Variants in MYO5B observed in about 807,000 individuals in gnomAD.
MYO5B encodes myosin VB.
Under a neutral mutation model 229.3 loss-of-function variants are expected in MYO5B, and 143 were observed. That is an observed-to-expected ratio of 0.62 (90% CI 0.54 to 0.72). The LOEUF is 0.72. Ranked by LOEUF, MYO5B falls within the 30% of genes least tolerant of loss-of-function variation. The pLI, the probability that MYO5B is intolerant of heterozygous loss-of-function variation, is 0.00. For missense variants in MYO5B, 2,321 were observed against 2,331.0 expected (o/e 1.00, Z 0.09); for synonymous variants, 918 against 885.2 (o/e 1.04, Z -0.66).
At chr18:50,047,802 A>C (rs1167278885) in intron 2 of MYO5B, among the ~76,000 whole-genome samples, 2 of 152,082 alleles carry the variant, frequency 1.3e-5, no homozygotes, top group Non-Finnish European at 2.9e-5. Context: ...ACATGGATGA[A>C]GCTGGAAACC....
chr18:49,879,769 G>A (rs560591202), intron 23 of MYO5B, among the ~76,000 whole-genome samples: 15 of 152,284 alleles, frequency 9.9e-5, no homozygotes, highest in African/African-American at 3.4e-4. Flanking sequence ...CTCCACAGCC[G>A]AGTGGCACAT....
At chr18:49,834,709 G>A (rs911609832) in intron 39 of MYO5B, among the ~76,000 whole-genome samples, 2 of 152,068 alleles carry the variant, frequency 1.3e-5, no homozygotes, top group African/African-American at 4.8e-5. Flanking sequence ...CGCAATCTCG[G>A]CTCACTGCAA....
intron 1 of MYO5B, among the ~76,000 whole-genome samples, chr18:50,180,589 G>A (rs992055715): frequency 9.9e-5 from 15 of 152,116 alleles, no homozygotes; most frequent in African/African-American, 3.4e-4. Flanking sequence ...TAAATGTACA[G>A]TTCAGTGGCA....
intron 4 of MYO5B, among the ~76,000 whole-genome samples, chr18:50,031,817 C>G (rs1032928186): frequency 1.3e-5 from 2 of 152,184 alleles, no homozygotes. Context: ...CAGTGTTGCA[C>G]AGAACATTAG....
Position 50,159,522 on chromosome 18 carries a change from G to A in MYO5B, c.27+35245C>T, listed in dbSNP as rs561717505. ...ACCCACGGGAGAGCAGTCAACTAAA[G>A]CTCCCAGCTCCAGGTGCTCTGCAGC... On this transcript the variant is annotated intron_variant, in intron 1 of 39. Coordinates refer to ENST00000285039, the MANE Select transcript of MYO5B (RefSeq NM_001080467.3). Among the ~76,000 whole-genome samples, 3 of 152,210 alleles carry A rather than the reference G, an allele frequency of 2.0e-5. No homozygotes were observed. In the East Asian group the frequency reaches 5.8e-4, roughly 29 times the overall value.
chr18:49,989,555 C>T (rs1387084317), intron 7 of MYO5B, among the ~76,000 whole-genome samples: 1 of 151,978 alleles, frequency 6.6e-6, no homozygotes, highest in Non-Finnish European at 1.5e-5. Flanking sequence ...CACATATGTG[C>T]CTGAAGACTC....
intron 1 of MYO5B, among the ~76,000 whole-genome samples, chr18:50,112,082 A>G (rs1448633557): frequency 6.6e-6 from 1 of 152,242 alleles, no homozygotes; most frequent in Admixed American, 6.5e-5. Flanking sequence ...AAACAACCCA[A>G]GTGGGCAAAG....
intron 2 of MYO5B, 35 bp from the exon 3 acceptor site, chr18:50,040,349 G>C: frequency 3.1e-6 from 5 of 1,587,650 alleles, no homozygotes; most frequent in Middle Eastern, 1.7e-4. Flanking sequence ...CAAAAAGGTG[G>C]TTATGAAGCG....
intron 1 of MYO5B, among the ~76,000 whole-genome samples, chr18:50,122,685 G>A (rs1051605387): frequency 1.1e-5 from 1 of 95,030 alleles, no homozygotes; most frequent in African/African-American, 3.9e-5. Context: ...GAGAGAGAGA[G>A]ACTGACTGCA....
chr18:50,129,693 G>A (rs1265498984), intron 1 of MYO5B, among the ~76,000 whole-genome samples: 1 of 152,170 alleles, frequency 6.6e-6, no homozygotes, highest in African/African-American at 2.4e-5. Flanking sequence ...TCCCTAGGGA[G>A]TAGCAGAGCT....
intron 1 of MYO5B, among the ~76,000 whole-genome samples, chr18:50,112,595 A>G (rs1358640769): frequency 6.6e-6 from 1 of 152,160 alleles, no homozygotes; most frequent in African/African-American, 2.4e-5. Flanking sequence ...ATGCCCCACG[A>G]AAAACCTTTT....
At chr18:49,929,411 G>T in intron 17 of MYO5B, 101 bp downstream of exon 17, 1 of 902,858 alleles carries the variant, frequency 1.1e-6, no homozygotes, top group Non-Finnish European at 1.7e-6. Context: ...CGTTTTGAAG[G>T]ATCTGTTTCT....
chr18:50,031,902 T>C (rs1220431431), intron 4 of MYO5B, among the ~76,000 whole-genome samples: 1 of 152,194 alleles, frequency 6.6e-6, no homozygotes, highest in Non-Finnish European at 1.5e-5. Flanking sequence ...GATCCCTATC[T>C]TGGAAACTCA....
chr18:49,904,887 G>C lies in MYO5B; in HGVS notation c.2415-59C>G, dbSNP rs760375191. ...AGAGAGTATTGACCGCCCTGATGCAGAGAACCCTGAGACATCTGCAAATGC... is the reference window on the plus strand; with the variant it reads ...AGAGAGTATTGACCGCCCTGATGCACAGAACCCTGAGACATCTGCAAATGC... On this transcript the variant is annotated intron_variant, in intron 19 of 39. Transcript: ENST00000285039. 3.8e-6 allele frequency: 6 copies of C among 1,585,252 alleles called. No individual in the cohort carries two copies. The East Asian group carries it at 9.1e-5, about 24-fold the overall frequency.
rs576322320 is a variant in MYO5B at position 50,114,436 on chromosome 18, T to C, written c.28-59058A>G. 3.9e-5 allele frequency among the ~76,000 whole-genome samples: 6 copies of C among 152,286 alleles called. No homozygotes were observed. In the South Asian group the frequency reaches 1.2e-3, roughly 32 times the overall value. On this transcript the variant is annotated intron_variant, in intron 1 of 39. Transcript: ENST00000285039. ...CCTCCAAGCTAACCAAGGCTCCTCT[T>C]GGGAAAGGGTGCCCACACAATCCTC...
At chr18:49,939,996 C>A (rs1301321432) in intron 14 of MYO5B, among the ~76,000 whole-genome samples, 1 of 152,188 alleles carries the variant, frequency 6.6e-6, no homozygotes, top group Non-Finnish European at 1.5e-5. Flanking sequence ...ATAGCAGTGA[C>A]AGCTCATGCT....
At chr18:50,161,813 G>C (rs1038963179) in intron 1 of MYO5B, among the ~76,000 whole-genome samples, 10 of 152,224 alleles carry the variant, frequency 6.6e-5, no homozygotes, top group Non-Finnish European at 1.3e-4. Context: ...CTGCCCTGAA[G>C]CAAAGTCAGG....
intron 35 of MYO5B, 78 bp downstream of exon 35, chr18:49,841,287 C>CT (rs1423709681): frequency 1.5e-6 from 2 of 1,369,486 alleles, no homozygotes; most frequent in Admixed American, 1.7e-5. Flanking sequence ...CCACTGACCT[C>CT]TGAGGGTATA....
intron 1 of MYO5B, among the ~76,000 whole-genome samples, chr18:50,079,551 A>T (rs952212537): frequency 2.0e-5 from 3 of 152,208 alleles, no homozygotes; most frequent in Admixed American, 6.5e-5. Flanking sequence ...AAACCCTGGG[A>T]TACAGAAATC....
Sources: allele counts gnomAD v4.1 joint callset (sites outside exome capture counted in the v4.1 genomes callset), GRCh38; gene constraint gnomAD v4.1.1; transcripts MANE v1.5; gene names NCBI Gene and HGNC (gene_info 2026-07-23, HGNC 2026-07-21).